DPYD: variants seen among roughly 807,000 people sequenced by gnomAD.
The protein encoded by DPYD is dihydropyrimidine dehydrogenase [NADP(+)].
Under a neutral mutation model 116.2 loss-of-function variants are expected in DPYD, and 109 were observed. That is an observed-to-expected ratio of 0.94 (90% CI 0.80 to 1.10). The LOEUF is 1.10. DPYD is among the 50% of genes least tolerant of loss of function. DPYD has a pLI of 0.00. For missense variants in DPYD, 1,302 were observed against 1,254.5 expected (o/e 1.04, Z -0.57); for synonymous variants, 440 against 432.0 (o/e 1.02, Z -0.23).
At position 97,642,788 on chromosome 1, in the gene DPYD, G is replaced by A. The variant is rs569083878; in HGVS notation, c.850+36307C>T. On this transcript the variant is annotated intron_variant, in intron 8 of 22. Coordinates refer to ENST00000370192, the MANE Select transcript of DPYD (RefSeq NM_000110.4). Reference sequence around the variant, plus strand: ...GGAGATATACCTAATGCTAAATGACGAGTTAATGGCTGCAGCACACCAGCA... The same window carrying A: ...GGAGATATACCTAATGCTAAATGACAAGTTAATGGCTGCAGCACACCAGCA... Among the ~76,000 whole-genome samples the A allele has an allele frequency of 6.4e-3, 952 of 148,922 alleles. 14 individuals are homozygous for A. The highest frequency in any genetic ancestry group is 0.022 in the African/African-American group (908 of 40,552).
At chr1:97,619,882 G>A (rs772449751) in intron 8 of DPYD, among the ~76,000 whole-genome samples, 12 of 152,080 alleles carry the variant, frequency 7.9e-5, no homozygotes, top group Non-Finnish European at 1.6e-4. Context: ...TTTTTCTCAT[G>A]TTGAAAAATA....
chr1:97,731,449 G>A, intron 4 of DPYD, among the ~76,000 whole-genome samples: 1 of 152,074 alleles, frequency 6.6e-6, no homozygotes, highest in East Asian at 1.9e-4. Context: ...TTAACATGAA[G>A]TCTATTACAT....
intron 14 of DPYD, among the ~76,000 whole-genome samples, chr1:97,437,660 G>C (rs1557711129): frequency 6.6e-6 from 1 of 151,778 alleles, no homozygotes. Flanking sequence ...TATATGATTT[G>C]CAACTATTTT....
At chr1:97,398,460 T>C (rs148185926) in intron 14 of DPYD, among the ~76,000 whole-genome samples, 6,042 of 152,202 alleles carry the variant, frequency 0.04, 156 homozygotes, top group East Asian at 0.069. Flanking sequence ...GGGTATATAC[T>C]CAGTAATGGG....
intron 16 of DPYD, among the ~76,000 whole-genome samples, chr1:97,327,377 A>G (rs1032460461): frequency 6.6e-6 from 1 of 152,080 alleles, no homozygotes; most frequent in South Asian, 2.1e-4. Context: ...AAAAGAAACA[A>G]CTATTTACCA....
rs772886631 is a variant in DPYD at position 97,082,293 on chromosome 1, A to G, written c.2907+37T>C. ...TTCTGCCGTAAAAACAAGAAGAAACATGTCTCATAGCATTCTAATTCCAGC... is the reference window on the plus strand; with the variant it reads ...TTCTGCCGTAAAAACAAGAAGAAACGTGTCTCATAGCATTCTAATTCCAGC... On this transcript the variant is annotated intron_variant, in intron 22 of 22. Coordinates refer to ENST00000370192, the MANE Select transcript of DPYD (RefSeq NM_000110.4). 1.9e-6 allele frequency: 3 copies of G among 1,612,648 alleles called. No homozygotes were observed. In the South Asian group the frequency reaches 3.3e-5, roughly 18 times the overall value.
chr1:97,567,253 C>T (rs1387680303), intron 11 of DPYD, among the ~76,000 whole-genome samples: 2 of 152,002 alleles, frequency 1.3e-5, no homozygotes, highest in Non-Finnish European at 1.5e-5. Context: ...GTTTGATTTA[C>T]CCCATGAGGC....
chr1:97,323,310 A>T (rs1179997899), intron 16 of DPYD, among the ~76,000 whole-genome samples: 1 of 146,350 alleles, frequency 6.8e-6, no homozygotes, highest in African/African-American at 2.5e-5. Context: ...ATGTACACGT[A>T]TATATACATA....
At chr1:97,420,512 C>G (rs1674523548) in intron 14 of DPYD, among the ~76,000 whole-genome samples, 5 of 152,030 alleles carry the variant, frequency 3.3e-5, no homozygotes. Flanking sequence ...AAGGATCTTT[C>G]CAAAATGCAA....
intron 7 of DPYD, among the ~76,000 whole-genome samples, chr1:97,683,811 C>A (rs1335571522): frequency 6.6e-6 from 1 of 151,814 alleles, no homozygotes; most frequent in Admixed American, 6.6e-5. Context: ...AATTATATCA[C>A]AAGAATACAG....
chr1:97,235,908 C>T (rs1661891908), intron 18 of DPYD, among the ~76,000 whole-genome samples: 1 of 151,898 alleles, frequency 6.6e-6, no homozygotes, highest in African/African-American at 2.4e-5. Context: ...TACTAGAATC[C>T]AGTAATTAGA....
intron 18 of DPYD, among the ~76,000 whole-genome samples, chr1:97,262,527 T>C (rs898436359): frequency 5.9e-5 from 9 of 152,114 alleles, no homozygotes; most frequent in Non-Finnish European, 1.3e-4. Flanking sequence ...TTGAAGACAA[T>C]TAATTTTAAC....
chr1:97,162,428 G>A (rs1273168817), intron 20 of DPYD, among the ~76,000 whole-genome samples: 5 of 152,124 alleles, frequency 3.3e-5, no homozygotes, highest in Non-Finnish European at 5.9e-5. Context: ...TACAAGGGAC[G>A]TGAAGGACCT....
intron 16 of DPYD, among the ~76,000 whole-genome samples, chr1:97,324,806 C>G (rs1558032142): frequency 6.6e-6 from 1 of 151,982 alleles, no homozygotes. Context: ...TCCAGGAAAG[C>G]TTTATTTGAA....
intron 12 of DPYD, among the ~76,000 whole-genome samples, chr1:97,526,373 G>T (rs898922049): frequency 2.6e-5 from 4 of 152,020 alleles, no homozygotes; most frequent in Non-Finnish European, 4.4e-5. Context: ...TTAATATTGT[G>T]TAGGTCTAGA....
chr1:97,228,371 C>A (rs1340423028), intron 19 of DPYD, among the ~76,000 whole-genome samples: 1 of 152,026 alleles, frequency 6.6e-6, no homozygotes, highest in Non-Finnish European at 1.5e-5. Context: ...AGTCATATGG[C>A]TTAATTTACA....
intron 13 of DPYD, among the ~76,000 whole-genome samples, chr1:97,480,345 C>G (rs929509703): frequency 1.3e-5 from 2 of 151,918 alleles, no homozygotes; most frequent in East Asian, 3.9e-4. Context: ...TCCAGATGAC[C>G]GATGGAAACT....
intron 8 of DPYD, among the ~76,000 whole-genome samples, chr1:97,615,014 GCTTACT>G (rs1475389845): frequency 2.0e-5 from 3 of 152,016 alleles, no homozygotes; most frequent in African/African-American, 4.8e-5. Context: ...AAAAGATCTA[GCTTACT>G]CTTAAACTAT....
intron 20 of DPYD, among the ~76,000 whole-genome samples, chr1:97,134,017 ATATATATATATATATATATATATAT>A (rs1653583983): frequency 0.018 from 285 of 16,136 alleles, 36 homozygotes; most frequent in African/African-American, 0.03. Context: ...AAAAAAAAAT[ATATATATATATATATATATATATAT>A]ATATATATAT....
Sources: gnomAD v4.1 joint callset for allele counts (sites outside exome capture counted in the v4.1 genomes callset) on GRCh38, gnomAD v4.1.1 for gene constraint, MANE v1.5 for transcripts, NCBI Gene and HGNC (gene_info 2026-07-23, HGNC 2026-07-21) for gene names.